Variants in VPS8 observed in about 807,000 individuals in gnomAD.
VPS8 encodes the protein VPS8 subunit of CORVET complex, also known as vacuolar protein sorting-associated protein 8 homolog.
A neutral mutation model predicts 216.4 loss-of-function variants in VPS8; 129 were observed. The observed-to-expected ratio is 0.60, with a 90% CI of 0.52 to 0.69. The LOEUF (loss-of-function observed/expected upper bound fraction) is 0.69. VPS8 is among the 30% of genes least tolerant of loss of function. The probability of loss-of-function intolerance (pLI) is 0.00; values close to 1 mark genes in which losing one functional copy is unlikely to be tolerated. For missense variants in VPS8, 1,531 were observed against 1,683.5 expected (o/e 0.91, Z 1.59); for synonymous variants, 571 against 565.4 (o/e 1.01, Z -0.14).
At chr3:184,926,438 G>A (rs9290804) in intron 30 of VPS8, among the ~76,000 whole-genome samples, 156 bp from the exon 31 acceptor site, 117,598 of 151,870 alleles carry the variant, frequency 0.77, 46,420 homozygotes, top group African/African-American at 0.87. Context: ...TACATGTACT[G>A]GGTTAATCAG....
At chr3:185,050,247 C>T (rs981420871) in intron 47 of VPS8, among the ~76,000 whole-genome samples, 2 of 151,520 alleles carry the variant, frequency 1.3e-5, no homozygotes, top group African/African-American at 4.9e-5. Context: ...TTGCAGAGAA[C>T]GTCGCAGGCT....
chr3:185,049,084 C>G (rs568227321), intron 47 of VPS8, among the ~76,000 whole-genome samples: 1 of 152,178 alleles, frequency 6.6e-6, no homozygotes, highest in Non-Finnish European at 1.5e-5. Flanking sequence ...GACTTAAACT[C>G]GTATGGTTCA....
chr3:184,991,786 G>A (rs181341109), intron 42 of VPS8, among the ~76,000 whole-genome samples: 120 of 152,270 alleles, frequency 7.9e-4, no homozygotes, highest in African/African-American at 2.5e-3. Context: ...AGAAAAAAAT[G>A]TGCAGTGGGT....
intron 42 of VPS8, among the ~76,000 whole-genome samples, chr3:184,984,557 T>A (rs1350113067): frequency 6.6e-6 from 1 of 152,104 alleles, no homozygotes; most frequent in African/African-American, 2.4e-5. Context: ...CCTCCCAAAG[T>A]GCTCGGATTA....
intron 4 of VPS8, among the ~76,000 whole-genome samples, 166 bp from the exon 5 acceptor site, chr3:184,834,483 A>C (rs752914988): frequency 6.6e-6 from 1 of 152,158 alleles, no homozygotes; most frequent in Non-Finnish European, 1.5e-5. Context: ...CATGTACCCT[A>C]AAACTTAAAG....
intron 10 of VPS8, among the ~76,000 whole-genome samples, chr3:184,851,183 G>T (rs1489980331): frequency 6.6e-6 from 1 of 152,054 alleles, no homozygotes; most frequent in East Asian, 1.9e-4. Context: ...AAAAAATACT[G>T]GGAGAAAGAA....
intron 10 of VPS8, among the ~76,000 whole-genome samples, chr3:184,850,900 A>G (rs1724132053): frequency 6.6e-6 from 1 of 152,270 alleles, no homozygotes; most frequent in Admixed American, 6.5e-5. Context: ...CAATAAAAAC[A>G]ACCAAGACAA....
intron 1 of VPS8, among the ~76,000 whole-genome samples, chr3:184,822,814 A>G (rs929423898): frequency 2.0e-5 from 3 of 152,230 alleles, no homozygotes; most frequent in Non-Finnish European, 2.9e-5. Context: ...GGAGCCCTAT[A>G]TTTAGAACCT....
intron 46 of VPS8, among the ~76,000 whole-genome samples, chr3:185,036,636 T>C (rs1185360263): frequency 6.6e-6 from 1 of 152,076 alleles, no homozygotes; most frequent in African/African-American, 2.4e-5. Context: ...GATTTTCATA[T>C]TCAGCTTTTG....
At chr3:184,981,053 A>T (rs1460545797) in intron 40 of VPS8, among the ~76,000 whole-genome samples, 3 of 152,132 alleles carry the variant, frequency 2.0e-5, no homozygotes, top group Non-Finnish European at 4.4e-5. Context: ...AACTGTCTTC[A>T]TTTCCGGAAG....
intron 5 of VPS8, among the ~76,000 whole-genome samples, chr3:184,835,662 G>T (rs1229818626): frequency 6.6e-6 from 1 of 151,068 alleles, no homozygotes; most frequent in East Asian, 1.9e-4. Context: ...CATTTAATTG[G>T]CATTTTGCAT....
chr3:184,942,118 T>A (rs1560788470), intron 36 of VPS8, among the ~76,000 whole-genome samples: 1 of 152,100 alleles, frequency 6.6e-6, no homozygotes, highest in Admixed American at 6.6e-5. Context: ...ACAAATAATA[T>A]ACCTGCTTTG....
intron 46 of VPS8, among the ~76,000 whole-genome samples, chr3:185,034,685 T>C (rs892093817): frequency 2.0e-5 from 3 of 151,804 alleles, no homozygotes; most frequent in Non-Finnish European, 2.9e-5. Context: ...TTGCTTTTGC[T>C]TTTTTTTGCT....
chr3:184,987,697 T>C (rs1197968477), intron 42 of VPS8, among the ~76,000 whole-genome samples: 5 of 152,228 alleles, frequency 3.3e-5, no homozygotes, highest in Non-Finnish European at 7.3e-5. Context: ...TGAACATTCA[T>C]ATGCAGGCTT....
At chr3:184,987,174 C>T (rs1471135333) in intron 42 of VPS8, among the ~76,000 whole-genome samples, 1 of 152,090 alleles carries the variant, frequency 6.6e-6, no homozygotes, top group Non-Finnish European at 1.5e-5. Context: ...AGTACATTGG[C>T]GTGATCTCTG....
At chr3:184,958,819 G>A (rs1746031933) in intron 37 of VPS8, among the ~76,000 whole-genome samples, 1 of 152,054 alleles carries the variant, frequency 6.6e-6, no homozygotes. Flanking sequence ...AATGTTTACT[G>A]TAGTTTTTTT....
chr3:185,040,625 A>G (rs1016904887), intron 46 of VPS8, among the ~76,000 whole-genome samples: 2 of 152,156 alleles, frequency 1.3e-5, no homozygotes, highest in Non-Finnish European at 2.9e-5. Context: ...GAACAAAATG[A>G]CATCATCATC....
chr3:184,983,027 C>A lies in VPS8; in HGVS notation c.3518C>A (p.Thr1173Asn). 1 of 1,606,954 alleles carries A rather than the reference C, an allele frequency of 6.2e-7. No homozygotes were observed. Among genetic ancestry groups the A allele is most frequent in the South Asian group, 1.1e-5 (1 of 89,460 alleles). The change falls in exon 42 of 48, where the codon ACC becomes AAC. Residue 1173 changes from threonine (T) to asparagine (N), a missense_variant. Around this residue, in one of 3 missense-constraint regions of VPS8, gnomAD observed 1,318 missense variants for 1,468.4 expected, o/e 0.90. Coordinates refer to ENST00000625842, the MANE Select transcript of VPS8 (RefSeq NM_001009921.3). The part of the protein sequence containing the change: ...HLHSEALKSL[T>N]MQVLNSMAAF... ...GTTATAACAGCTCTGAAGTCTTTGA[C>A]CATGCAAGTTTTAAATAGCATGGCA...
intron 46 of VPS8, 62 bp downstream of exon 46, chr3:185,024,451 G>C (rs1757077011): frequency 1.4e-6 from 2 of 1,468,812 alleles, no homozygotes; most frequent in African/African-American, 2.8e-5. Flanking sequence ...CTCCTATGTG[G>C]AACAATATTC....
Sources: gnomAD v4.1 joint callset for allele counts (sites outside exome capture counted in the v4.1 genomes callset) on GRCh38, gnomAD v4.1.1 for gene constraint, gnomAD v4.1.1 regional missense constraint, MANE v1.5 for transcripts, NCBI Gene and HGNC (gene_info 2026-07-23, HGNC 2026-07-21) for gene names.